The following STIM1 variants were observed in gnomAD, a reference collection of about 807,000 sequenced individuals.
STIM1 encodes stromal interaction molecule 1.
In STIM1, 25 loss-of-function variants were observed where a neutral mutation model predicts 74.7. The observed-to-expected ratio is 0.33, with a 90% confidence interval of 0.24 to 0.47. The LOEUF is 0.47. Ranked by LOEUF, STIM1 falls within the 20% of genes least tolerant of loss-of-function variation. STIM1 has a pLI of 1.00. For synonymous variants in STIM1, 328 were observed against 348.8 expected, an observed-to-expected ratio of 0.94 and a Z score of 0.66; for missense variants, 728 against 920.8, an observed-to-expected ratio of 0.79 and a Z score of 2.71.
At chr11:4,049,226 C>T (rs2094218077) in intron 3 of STIM1, among the ~76,000 whole-genome samples, 1 of 151,750 alleles carries the variant, frequency 6.6e-6, no homozygotes, top group Admixed American at 6.6e-5. Flanking sequence ...CTGATATAAG[C>T]AAAAGGGAGA....
At chr11:3,905,187 G>A (rs1338533152) in intron 1 of STIM1, among the ~76,000 whole-genome samples, 1 of 152,096 alleles carries the variant, frequency 6.6e-6, no homozygotes, top group Non-Finnish European at 1.5e-5. Flanking sequence ...CTGAGTCATT[G>A]GTGACCATGG....
intron 2 of STIM1, among the ~76,000 whole-genome samples, chr11:4,011,658 T>A (rs187495616): frequency 2.7e-4 from 41 of 152,338 alleles, no homozygotes; most frequent in African/African-American, 9.1e-4. Context: ...AAAAATTTTC[T>A]CCCATTCTAT....
intron 2 of STIM1, among the ~76,000 whole-genome samples, chr11:3,980,625 A>C (rs1231459995): frequency 2.6e-5 from 4 of 151,800 alleles, no homozygotes; most frequent in Non-Finnish European, 5.9e-5. Context: ...AAAAAAAAAA[A>C]AAACCCACAC....
chr11:4,019,592 C>A (rs1443744044), intron 2 of STIM1, among the ~76,000 whole-genome samples: 1 of 151,900 alleles, frequency 6.6e-6, no homozygotes, highest in Non-Finnish European at 1.5e-5. Flanking sequence ...GGAGGATCAC[C>A]CAGCCTGGGT....
At chr11:3,920,072 C>T (rs957108285) in intron 1 of STIM1, among the ~76,000 whole-genome samples, 1 of 151,860 alleles carries the variant, frequency 6.6e-6, no homozygotes, top group African/African-American at 2.4e-5. Flanking sequence ...AGCAAGACCC[C>T]TGTTTCTTAA....
chr11:3,961,076 C>A (rs767978868), intron 1 of STIM1, among the ~76,000 whole-genome samples: 1 of 151,972 alleles, frequency 6.6e-6, no homozygotes, highest in African/African-American at 2.4e-5. Flanking sequence ...AATCACAGCT[C>A]ATTGCAGCTT....
chr11:4,028,536 G>A (rs1459965464), intron 3 of STIM1, among the ~76,000 whole-genome samples: 1 of 151,478 alleles, frequency 6.6e-6, no homozygotes, highest in Non-Finnish European at 1.5e-5. Context: ...AGCCTCCCGA[G>A]TAGCTGGGAT....
At chr11:4,090,988 T>A (rs1194412469) in intron 12 of STIM1, among the ~76,000 whole-genome samples, 1 of 152,074 alleles carries the variant, frequency 6.6e-6, no homozygotes, top group Non-Finnish European at 1.5e-5. Flanking sequence ...ATCCTTTTGC[T>A]TTTCTTCCTC....
chr11:4,027,566 G>A (rs776134936), intron 3 of STIM1, among the ~76,000 whole-genome samples: 2 of 152,062 alleles, frequency 1.3e-5, no homozygotes, highest in Non-Finnish European at 2.9e-5. Context: ...TGCCCACCTC[G>A]GCCTCCCAAA....
intron 3 of STIM1, among the ~76,000 whole-genome samples, chr11:4,032,115 A>G (rs7102508): frequency 0.56 from 85,585 of 152,166 alleles, 26,392 homozygotes; most frequent in African/African-American, 0.83. Flanking sequence ...TTCTAGAACC[A>G]TTTTTAGAAA....
intron 1 of STIM1, among the ~76,000 whole-genome samples, chr11:3,885,358 A>G (rs1362217066): frequency 6.6e-6 from 1 of 151,590 alleles, no homozygotes; most frequent in Non-Finnish European, 1.5e-5. Context: ...TATTATTATT[A>G]TTATTTTTTG....
chr11:3,989,353 G>A, intron 2 of STIM1: 4 of 802,496 alleles, frequency 5.0e-6, no homozygotes, highest in East Asian at 4.9e-5. Flanking sequence ...TGCCTTTTTC[G>A]GCTTCGCTTC....
chr11:3,921,303 A>G (rs943822985), intron 1 of STIM1, among the ~76,000 whole-genome samples: 1 of 152,208 alleles, frequency 6.6e-6, no homozygotes, highest in Admixed American at 6.5e-5. Context: ...GATTTGGCAA[A>G]CGCATTATTT....
intron 11 of STIM1, 177 bp from the exon 12 acceptor site, chr11:4,086,300 A>G: frequency 1.5e-6 from 1 of 675,856 alleles, no homozygotes; most frequent in East Asian, 2.7e-5. Context: ...TTCATCTTCA[A>G]TTTCCCATCC....
At position 3,904,720 on chromosome 11, in the gene STIM1, A is replaced by AG. The variant is rs1331611104; in HGVS notation, c.139+48312dup. 2.0e-5 allele frequency among the ~76,000 whole-genome samples: 3 copies of AG among 152,230 alleles called. No homozygotes were observed. In the South Asian group the frequency reaches 6.2e-4, roughly 32 times the overall value. On this transcript the variant is annotated intron_variant, in intron 1 of 12. Transcript: ENST00000526596. Reference sequence around the variant, plus strand: ...TGTGTGACGGAAGGATGAAGGAGGCAGTGTTAGGTGACTGGGCATTACTGT... The same window carrying AG: ...TGTGTGACGGAAGGATGAAGGAGGCAGGTGTTAGGTGACTGGGCATTACTGT...
chr11:4,016,898 G>A (rs1328186993), intron 2 of STIM1, among the ~76,000 whole-genome samples: 23 of 152,246 alleles, frequency 1.5e-4, no homozygotes, highest in Admixed American at 1.5e-3. Context: ...GGAATCTCCT[G>A]GATCTGCCAG....
intron 2 of STIM1, among the ~76,000 whole-genome samples, chr11:3,975,493 C>T (rs1442166634): frequency 1.3e-5 from 2 of 152,186 alleles, no homozygotes; most frequent in Non-Finnish European, 2.9e-5. Context: ...TGACACGTGC[C>T]TGTAATCCCA....
intron 1 of STIM1, among the ~76,000 whole-genome samples, chr11:3,950,368 A>G (rs2093131477): frequency 6.6e-6 from 1 of 152,076 alleles, no homozygotes; most frequent in Non-Finnish European, 1.5e-5. Flanking sequence ...TCCTGACCTC[A>G]AGATCTGCCC....
At chr11:4,014,747 A>G (rs2093878776) in intron 2 of STIM1, among the ~76,000 whole-genome samples, 1 of 152,192 alleles carries the variant, frequency 6.6e-6, no homozygotes. Flanking sequence ...TATTGGGTGC[A>G]TATATATTTA....
Sources: allele counts gnomAD v4.1 joint callset (sites outside exome capture counted in the v4.1 genomes callset), GRCh38; gene constraint gnomAD v4.1.1; transcripts MANE v1.5; gene names NCBI Gene and HGNC (gene_info 2026-07-23, HGNC 2026-07-21).